The following LIPC variants were observed in gnomAD, a reference collection of about 807,000 sequenced individuals.
The protein encoded by LIPC is hepatic triacylglycerol lipase.
LIPC carries 44 observed loss-of-function variants against 50.7 expected under a neutral mutation model. The observed-to-expected ratio is 0.87, with a 90% CI of 0.68 to 1.11. The LOEUF is 1.11. Among genes scored for constraint, LIPC ranks in the 50% most tolerant of loss-of-function variants. LIPC has a pLI of 0.00. For synonymous variants in LIPC, 271 were observed against 256.4 expected, an observed-to-expected ratio of 1.06 and a Z score of -0.54; for missense variants, 697 against 648.2, an observed-to-expected ratio of 1.08 and a Z score of -0.82.
intron 1 of LIPC, chr15:58,494,920 C>T (rs1333136957): frequency 6.6e-6 from 3 of 455,070 alleles, no homozygotes; most frequent in African/African-American, 4.0e-5. Context: ...AATATTAGTC[C>T]AGTCCCTCAC....
At chr15:58,521,269 A>C (rs959195346) in intron 1 of LIPC, 2 of 151,948 alleles carry the variant, frequency 1.3e-5, no homozygotes, top group African/African-American at 4.8e-5. Flanking sequence ...CAGATAACCC[A>C]CCTCTGTGCA....
intron 7 of LIPC, among the ~76,000 whole-genome samples, chr15:58,561,633 A>G (rs1247706450): frequency 6.6e-6 from 1 of 152,246 alleles, no homozygotes; most frequent in African/African-American, 2.4e-5. Flanking sequence ...TTCCCACCAC[A>G]AGACAGCTGT....
At chr15:58,526,322 GCAGTCAGACTGATTTCCT>G (rs1300169397) in intron 1 of LIPC, among the ~76,000 whole-genome samples, 2 of 152,228 alleles carry the variant, frequency 1.3e-5, no homozygotes, top group Non-Finnish European at 2.9e-5. Context: ...GGAGTGTTTT[GCAGTCAGACTGATTTCCT>G]CATTAGCAGA....
chr15:58,472,748 C>A (rs1412235874), intron 1 of LIPC, among the ~76,000 whole-genome samples: 1 of 151,970 alleles, frequency 6.6e-6, no homozygotes, highest in East Asian at 1.9e-4. Context: ...CAAGTAAGTG[C>A]CAGGCATGGG....
At chr15:58,447,686 C>T (rs1296683009) in intron 1 of LIPC, among the ~76,000 whole-genome samples, 1 of 152,170 alleles carries the variant, frequency 6.6e-6, no homozygotes, top group Non-Finnish European at 1.5e-5. Context: ...ATCTGGAGAG[C>T]TTGATACAAT....
At chr15:58,491,193 C>A (rs1178326649) in intron 1 of LIPC, among the ~76,000 whole-genome samples, 1 of 152,194 alleles carries the variant, frequency 6.6e-6, no homozygotes, top group Non-Finnish European at 1.5e-5. Context: ...AGCTCTAGAG[C>A]TAGACACTTA....
intron 1 of LIPC, among the ~76,000 whole-genome samples, chr15:58,507,174 G>A (rs1892179445): frequency 6.6e-6 from 1 of 152,074 alleles, no homozygotes; most frequent in African/African-American, 2.4e-5. Flanking sequence ...ATAGGAGTGG[G>A]GAAACCAGGA....
chr15:58,464,217 G>T (rs1365541107), intron 1 of LIPC, among the ~76,000 whole-genome samples: 1 of 151,944 alleles, frequency 6.6e-6, no homozygotes, highest in Non-Finnish European at 1.5e-5. Flanking sequence ...TGACTTTATT[G>T]GCTCAAGTTT....
At chr15:58,520,680 C>A (rs1169722180) in intron 1 of LIPC, among the ~76,000 whole-genome samples, 1 of 152,144 alleles carries the variant, frequency 6.6e-6, no homozygotes, top group Admixed American at 6.5e-5. Flanking sequence ...GGTTGAGAGC[C>A]GCTGTATACC....
chr15:58,498,328 A>T (rs970105762), intron 1 of LIPC, among the ~76,000 whole-genome samples: 1 of 152,116 alleles, frequency 6.6e-6, no homozygotes, highest in Non-Finnish European at 1.5e-5. Context: ...TGCATTTCTA[A>T]CAAATTCCTG....
At chr15:58,445,906 A>G (rs1257102744) in intron 1 of LIPC, among the ~76,000 whole-genome samples, 1 of 152,248 alleles carries the variant, frequency 6.6e-6, no homozygotes, top group Non-Finnish European at 1.5e-5. Context: ...TAGTCATATA[A>G]TACTCACCCG....
At chr15:58,451,054 A>C (rs1261992280) in intron 1 of LIPC, among the ~76,000 whole-genome samples, 1 of 152,168 alleles carries the variant, frequency 6.6e-6, no homozygotes, top group African/African-American at 2.4e-5. Context: ...ATCATGGTTT[A>C]CTGAAGGCAG....
chr15:58,443,819 T>C (rs1188027431), intron 1 of LIPC, among the ~76,000 whole-genome samples: 2 of 152,168 alleles, frequency 1.3e-5, no homozygotes, highest in African/African-American at 2.4e-5. Context: ...GGTTTTGGGA[T>C]AGGCGGTGGA....
At chr15:58,480,576 T>G (rs984687672) in intron 1 of LIPC, among the ~76,000 whole-genome samples, 2 of 152,168 alleles carry the variant, frequency 1.3e-5, no homozygotes, top group African/African-American at 2.4e-5. Context: ...GGATTACAGG[T>G]GTGAGCCACT....
rs6075 is a variant in LIPC, at chr15:58,568,889, C to T, written c.*62C>T. 934 of 964,350 alleles carry T rather than the reference C, an allele frequency of 9.7e-4. 11 individuals are homozygous for T. The African/African-American group carries it at 0.013, about 13-fold the overall frequency. The allele number at this position is 964,350 out of a possible 1,614,324, so 59.7% of individuals were successfully genotyped here. A position where few individuals can be genotyped will look rare whatever the true frequency, so the allele number is the denominator to read the frequency against. On this transcript the variant is annotated 3_prime_UTR_variant, in exon 9 of 9. Coordinates refer to ENST00000299022, the MANE Select transcript of LIPC (RefSeq NM_000236.3). Reference sequence around the variant, plus strand: ...CTTACTCCTTATCTGGAATGGCTGCCTTATTTAGAAGCCAAAATTACATAA... The same window carrying T: ...CTTACTCCTTATCTGGAATGGCTGCTTTATTTAGAAGCCAAAATTACATAA...
At chr15:58,499,646 A>C (rs1331884059) in intron 1 of LIPC, among the ~76,000 whole-genome samples, 1 of 152,134 alleles carries the variant, frequency 6.6e-6, no homozygotes, top group Admixed American at 6.5e-5. Flanking sequence ...AGCACCTAGG[A>C]ACTGGTCCCT....
chr15:58,463,795 A>G (rs760235433), intron 1 of LIPC, among the ~76,000 whole-genome samples: 23 of 152,324 alleles, frequency 1.5e-4, no homozygotes, highest in Admixed American at 6.5e-4. Flanking sequence ...TCATCAAAAA[A>G]GTCCAATAAA....
At chr15:58,469,082 A>G (rs1249996216) in intron 1 of LIPC, among the ~76,000 whole-genome samples, 3 of 150,962 alleles carry the variant, frequency 2.0e-5, no homozygotes, top group African/African-American at 7.3e-5. Flanking sequence ...CTAATAACTT[A>G]AACGGCTTCA....
intron 6 of LIPC, among the ~76,000 whole-genome samples, chr15:58,557,526 A>G (rs1179196030): frequency 6.6e-6 from 1 of 151,768 alleles, no homozygotes; most frequent in Non-Finnish European, 1.5e-5. Context: ...CTGAGACTAC[A>G]GGCACCCACC....
Sources: gnomAD v4.1 joint callset for allele counts (sites outside exome capture counted in the v4.1 genomes callset) on GRCh38, gnomAD v4.1.1 for gene constraint, MANE v1.5 for transcripts, NCBI Gene and HGNC (gene_info 2026-07-23, HGNC 2026-07-21) for gene names.